TBXAS1: variants seen among roughly 807,000 people sequenced by gnomAD.
TBXAS1 encodes the protein thromboxane-A synthase.
Under a neutral mutation model 60.7 loss-of-function variants are expected in TBXAS1, and 48 were observed. The ratio of observed to expected loss-of-function variants is 0.79; its 90% CI spans 0.63 to 1.01. TBXAS1 has a LOEUF of 1.01. Ranked by LOEUF, TBXAS1 falls within the 50% of genes least tolerant of loss-of-function variation. The pLI, the probability that TBXAS1 is intolerant of heterozygous loss-of-function variation, is 0.00. For synonymous variants in TBXAS1, 287 were observed against 269.7 expected, an observed-to-expected ratio of 1.06 and a Z score of -0.63; for missense variants, 685 against 686.3, an observed-to-expected ratio of 1.00 and a Z score of 0.02.
At chr7:139,954,090 A>G (rs912314664) in intron 6 of TBXAS1, among the ~76,000 whole-genome samples, 63 of 152,090 alleles carry the variant, frequency 4.1e-4, no homozygotes, top group African/African-American at 1.4e-3. Context: ...TCCTGCTTCC[A>G]ACGTGGCCCA....
At chr7:139,786,093 G>A (rs781473020) in intron 3 of TBXAS1, among the ~76,000 whole-genome samples, 4 of 147,260 alleles carry the variant, frequency 2.7e-5, no homozygotes, top group Non-Finnish European at 6.0e-5. Flanking sequence ...TTAATGTCTC[G>A]CCTTTCCCTC....
At chr7:139,841,236 A>G (rs1585602405) in intron 1 of TBXAS1, among the ~76,000 whole-genome samples, 1 of 152,314 alleles carries the variant, frequency 6.6e-6, no homozygotes, top group African/African-American at 2.4e-5. Context: ...GTCAGACTCT[A>G]CTTCGAGAAG....
chr7:139,902,973 T>C (rs2117001927), intron 3 of TBXAS1, among the ~76,000 whole-genome samples: 2 of 152,166 alleles, frequency 1.3e-5, no homozygotes, highest in South Asian at 4.1e-4. Context: ...TTATTGGGGG[T>C]ACAGGTAGTA....
intron 3 of TBXAS1, among the ~76,000 whole-genome samples, chr7:139,893,604 T>C (rs1272537267): frequency 6.6e-6 from 1 of 152,260 alleles, no homozygotes; most frequent in Non-Finnish European, 1.5e-5. Context: ...AATTTGTTTT[T>C]TCTTTATTTT....
chr7:139,847,530 C>T (rs1265815549), intron 1 of TBXAS1, among the ~76,000 whole-genome samples: 2 of 152,144 alleles, frequency 1.3e-5, no homozygotes, highest in Non-Finnish European at 2.9e-5. Context: ...ACTAACCAAC[C>T]AACCAACCAA....
rs981481039 is a variant in TBXAS1, at chr7:140,014,932, A to AAGG, written c.1227-779_1227-777dup. 4.1e-4 allele frequency among the ~76,000 whole-genome samples: 58 copies of AAGG among 142,038 alleles called. 1 individual carries two copies. The South Asian group carries it at 9.7e-3, about 24-fold the overall frequency. 93.2% of individuals were successfully genotyped at this position (142,038 alleles called of 152,430 possible). A position where few individuals can be genotyped will look rare whatever the true frequency, so the allele number is the denominator to read the frequency against. On this transcript the variant is annotated intron_variant, in intron 10 of 12. Transcript: ENST00000448866. ...TCAAAAAAAAAGAAGAAGAAGAAAG[A>AAGG]AGGAGGAGGAGGAGAAGAAGAAGAG...
intron 4 of TBXAS1, among the ~76,000 whole-genome samples, chr7:139,924,533 C>A (rs1314367708): frequency 6.6e-6 from 1 of 151,748 alleles, no homozygotes; most frequent in African/African-American, 2.4e-5. Flanking sequence ...GTTGTTTGAG[C>A]TCCTTACATA....
At chr7:139,801,329 G>A (rs183281537) in intron 4 of TBXAS1, among the ~76,000 whole-genome samples, 24 of 152,244 alleles carry the variant, frequency 1.6e-4, no homozygotes, top group Non-Finnish European at 3.1e-4. Flanking sequence ...TGCAGGTCTT[G>A]CTTCAACTTA....
chr7:139,959,155 TC>T (rs1366705268), intron 8 of TBXAS1, among the ~76,000 whole-genome samples: 4 of 152,216 alleles, frequency 2.6e-5, no homozygotes, highest in African/African-American at 9.7e-5. Context: ...CTAGAGCTTT[TC>T]CTTTTATAAA....
At chr7:139,872,849 G>A (rs1439057429) in intron 2 of TBXAS1, among the ~76,000 whole-genome samples, 2 of 152,074 alleles carry the variant, frequency 1.3e-5, no homozygotes, top group Non-Finnish European at 2.9e-5. Flanking sequence ...CTATCAATAT[G>A]TATTGAGTCC....
At chr7:139,828,517 A>T (rs1055836919), upstream of TBXAS1, among the ~76,000 whole-genome samples, 1 of 151,798 alleles carries the variant, frequency 6.6e-6, no homozygotes, top group Non-Finnish European at 1.5e-5. Flanking sequence ...TCCTTTTGGG[A>T]TTGCTGGTTT....
At chr7:139,881,865 T>A (rs911664355) in intron 3 of TBXAS1, among the ~76,000 whole-genome samples, 3 of 152,188 alleles carry the variant, frequency 2.0e-5, no homozygotes, top group African/African-American at 4.8e-5. Flanking sequence ...GCACCATTTT[T>A]AAAATTTAAT....
At position 139,999,039 on chromosome 7, in the gene TBXAS1, G is replaced by A. The variant is rs1813488771; in HGVS notation, c.1135-8052G>A. ...TTGAAGCTAGCACAGAGAACTTTCTGGGCATTGGCCAGGGAAGCCAGCAAT... is the reference window on the plus strand; with the variant it reads ...TTGAAGCTAGCACAGAGAACTTTCTAGGCATTGGCCAGGGAAGCCAGCAAT... On this transcript the variant is annotated intron_variant, in intron 9 of 12. Transcript: ENST00000448866. This position sits in a 1 kb window ranked among gnomAD's most constrained non-coding sequence, Gnocchi z 4.3. 6.6e-6 allele frequency among the ~76,000 whole-genome samples: 1 copy of A among 152,182 alleles called. No homozygotes were observed. Among genetic ancestry groups the A allele is most frequent in the South Asian group, 2.1e-4 (1 of 4,830 alleles).
At chr7:139,799,127 G>A (rs185298067) in intron 4 of TBXAS1, among the ~76,000 whole-genome samples, 93 of 146,608 alleles carry the variant, frequency 6.3e-4, no homozygotes, top group Non-Finnish European at 9.5e-4. Context: ...AGAGTATAGT[G>A]GTGCAATCCC....
intron 5 of TBXAS1, chr7:139,952,660 A>C (rs1465467764): frequency 6.5e-7 from 1 of 1,537,026 alleles, no homozygotes; most frequent in African/African-American, 1.4e-5. Context: ...ATCTATGTGA[A>C]TCTCCATTAT....
chr7:139,960,543 C>T (rs867155586), intron 8 of TBXAS1, among the ~76,000 whole-genome samples: 1 of 151,746 alleles, frequency 6.6e-6, no homozygotes, highest in Non-Finnish European at 1.5e-5. Flanking sequence ...GTCAGGAGTT[C>T]GAGACCAGCC....
At chr7:139,945,310 C>G (rs560941035) in intron 5 of TBXAS1, among the ~76,000 whole-genome samples, 1 of 152,192 alleles carries the variant, frequency 6.6e-6, no homozygotes, top group Non-Finnish European at 1.5e-5. Context: ...TAGCTCATTG[C>G]GATCAGCCCT....
rs1346587908 is a variant in TBXAS1, at chr7:139,817,419, C to T, written c.-79-11893C>T. On this transcript the variant is annotated intron_variant, in intron 4 of 16. Coordinates refer to the TBXAS1 transcript ENST00000336425. ...TCCTCAGCCTGGTATCCAGAGACCC[C>T]CCTGCCGGCCCCTCCCTACCACTTC... is the stretch of plus-strand genomic sequence containing the variant. Among the ~76,000 whole-genome samples the T allele has an allele frequency of 2.6e-5, 4 of 152,164 alleles. No homozygotes were observed. The East Asian group carries it at 7.7e-4, about 29-fold the overall frequency.
chr7:139,933,899 G>T (rs1807536122), intron 4 of TBXAS1, among the ~76,000 whole-genome samples: 1 of 150,380 alleles, frequency 6.6e-6, no homozygotes, highest in South Asian at 2.1e-4. Context: ...AATGGTGGGG[G>T]CTCCAGTTTT....
Sources: gnomAD v4.1 joint callset for allele counts (sites outside exome capture counted in the v4.1 genomes callset) on GRCh38, gnomAD v4.1.1 for gene constraint, Gnocchi (gnomAD v3.1) non-coding constraint, MANE v1.5 for transcripts, NCBI Gene and HGNC (gene_info 2026-07-23, HGNC 2026-07-21) for gene names.